The following FAM13B variants were observed in gnomAD, a reference collection of about 807,000 sequenced individuals.
The protein encoded by FAM13B is family with sequence similarity 13 member B.
Under a neutral mutation model 117.3 loss-of-function variants are expected in FAM13B, and 60 were observed. That is an observed-to-expected ratio of 0.51 (90% CI 0.42 to 0.63). FAM13B has a LOEUF of 0.63. FAM13B is among the 30% of genes least tolerant of loss of function. FAM13B has a pLI of 0.00. For synonymous variants in FAM13B, 332 were observed against 356.1 expected (o/e 0.93, Z 0.76); for missense variants, 972 against 1,091.9 (o/e 0.89, Z 1.55).
At chr5:137,945,004 A>C (rs1021014804) in intron 20 of FAM13B, among the ~76,000 whole-genome samples, 10 of 152,298 alleles carry the variant, frequency 6.6e-5, no homozygotes, top group African/African-American at 2.2e-4. Context: ...CACTATGCTC[A>C]GTACCTAGGT....
chr5:138,030,719 C>A (rs372008069), intron 1 of FAM13B, among the ~76,000 whole-genome samples: 3 of 144,780 alleles, frequency 2.1e-5, no homozygotes, highest in Non-Finnish European at 3.0e-5. Flanking sequence ...CGTCCCCCCC[C>A]CCCAAAAAAA....
chr5:137,993,433 C>T (rs1480505176), intron 7 of FAM13B, among the ~76,000 whole-genome samples: 1 of 151,940 alleles, frequency 6.6e-6, no homozygotes, highest in African/African-American at 2.4e-5. Flanking sequence ...TTGAGGCCAG[C>T]CTGGGCAACA....
intron 9 of FAM13B, among the ~76,000 whole-genome samples, chr5:137,986,449 A>G (rs7709289): frequency 0.75 from 111,099 of 147,330 alleles, 42,163 homozygotes; most frequent in East Asian, 0.97. Context: ...AAAAATTGAT[A>G]TATGAAAAAC....
At chr5:137,961,798 A>G (rs574695771) in intron 11 of FAM13B, among the ~76,000 whole-genome samples, 7 of 152,348 alleles carry the variant, frequency 4.6e-5, no homozygotes, top group South Asian at 4.1e-4. Flanking sequence ...AGACTGATGC[A>G]AAGGGTAACA....
In FAM13B at chr5:138,048,945, T is replaced by TC. The variant is rs935796043; in HGVS notation, c.-203+2932_-203+2933insG. On this transcript the variant is annotated intron_variant, in intron 1 of 3. Transcript: ENST00000502471. Reference sequence around the variant, plus strand: ...GACATTAGAGTGATACATTTCTTTTTTTTTTTTTTTTTTTTTAAGGCGAAG... The same window carrying TC: ...GACATTAGAGTGATACATTTCTTTTTCTTTTTTTTTTTTTTTTAAGGCGAAG... Among the ~76,000 whole-genome samples, 20 of 149,204 alleles carry TC rather than the reference T, an allele frequency of 1.3e-4. No individual in the cohort carries two copies. The East Asian group carries it at 3.1e-3, about 23-fold the overall frequency.
intron 10 of FAM13B, among the ~76,000 whole-genome samples, chr5:137,975,046 T>C (rs2150441526): frequency 6.6e-6 from 1 of 152,298 alleles, no homozygotes; most frequent in Middle Eastern, 3.4e-3. Flanking sequence ...AGTTAAGTAG[T>C]TGTGGCAGAG....
chr5:137,959,829 T>G, intron 12 of FAM13B, 66 bp from the exon 13 acceptor site: 1 of 1,482,014 alleles, frequency 6.7e-7, no homozygotes, highest in Non-Finnish European at 9.3e-7. Flanking sequence ...CTTAAACACA[T>G]CCAGCACATA....
chr5:137,945,912 G>A lies in FAM13B; in HGVS notation c.2330C>T (p.Thr777Ile), dbSNP rs1467812757. The A allele has an allele frequency of 1.2e-6, 2 of 1,610,850 alleles. No homozygotes were observed. The highest frequency in any genetic ancestry group is 1.3e-5 in the African/African-American group (1 of 74,824). ...GCTTATTTTACTTACAAGGACAGGAGTGATGCTAGCTCTTGTCAGCATTTG... is the reference window on the plus strand; with the variant it reads ...GCTTATTTTACTTACAAGGACAGGAATGATGCTAGCTCTTGTCAGCATTTG... ...VKQMLTRASI[T>I]PVLGSPSTKR... Residue 777 changes from threonine to isoleucine, a missense_variant, in exon 20 of 24, where the codon ACT becomes ATT. Transcript: ENST00000689681.
intron 10 of FAM13B, among the ~76,000 whole-genome samples, chr5:137,979,521 T>C (rs569489991): frequency 6.6e-6 from 1 of 152,306 alleles, no homozygotes; most frequent in Admixed American, 6.5e-5. Flanking sequence ...AAGATAGTAT[T>C]CCAGGCTCTA....
chr5:137,969,440 C>T (rs1771293725), intron 10 of FAM13B, among the ~76,000 whole-genome samples: 1 of 152,150 alleles, frequency 6.6e-6, no homozygotes, highest in African/African-American at 2.4e-5. Context: ...AAAGGACATC[C>T]ACACCAAAAA....
At chr5:138,031,758 A>T (rs1790104757) in intron 1 of FAM13B, among the ~76,000 whole-genome samples, 1 of 152,178 alleles carries the variant, frequency 6.6e-6, no homozygotes, top group Admixed American at 6.5e-5. Context: ...AATTCCATCA[A>T]CAAGCACTTA....
chr5:137,990,858 T>C (rs1383800442), intron 7 of FAM13B, among the ~76,000 whole-genome samples: 7 of 152,120 alleles, frequency 4.6e-5, no homozygotes, highest in African/African-American at 9.7e-5. Context: ...ATATAGTATA[T>C]TGACAAAGGC....
intron 10 of FAM13B, among the ~76,000 whole-genome samples, chr5:137,966,169 G>T (rs1769677221): frequency 6.6e-6 from 1 of 151,746 alleles, no homozygotes; most frequent in African/African-American, 2.4e-5. Context: ...GGGTGTGGTG[G>T]CTCATGCCTG....
rs1783877942 is a variant in FAM13B at position 138,011,051 on chromosome 5, T to A, written c.647A>T (p.Glu216Val). The change falls in exon 6 of 24, where the codon GAG (glutamate) becomes GTG (valine). Residue 216 changes from glutamate to valine, a missense_variant. Transcript: ENST00000689681. ...CAAATCATTAGATGAAAAATCTTCC[T>A]CTTCATTCTCAAAAAACTCATAGTA... ...ENYYEFFENEEEDFSSNDLSS... is the reference protein window; with the variant it reads ...ENYYEFFENEVEDFSSNDLSS... 6.2e-7 allele frequency: 1 copy of A among 1,608,648 alleles called. No homozygotes were observed. The highest frequency in any genetic ancestry group is 1.3e-5 in the African/African-American group (1 of 74,618).
chr5:137,987,692 C>T (rs1777581107), intron 8 of FAM13B, 76 bp from the exon 9 acceptor site: 4 of 1,394,088 alleles, frequency 2.9e-6, no homozygotes, highest in Admixed American at 2.3e-5. Context: ...AATGCTAAAA[C>T]CTATGACCAG....
chr5:138,022,294 T>C (rs549344445), intron 1 of FAM13B, among the ~76,000 whole-genome samples: 75 of 152,350 alleles, frequency 4.9e-4, no homozygotes, highest in African/African-American at 1.7e-3. Flanking sequence ...GTGTTTAATA[T>C]TTGGTCTCAT....
intron 11 of FAM13B, among the ~76,000 whole-genome samples, chr5:137,961,552 G>A (rs928987920): frequency 6.6e-6 from 1 of 152,190 alleles, no homozygotes; most frequent in Non-Finnish European, 1.5e-5. Context: ...AGTATGGGGA[G>A]GCTCCAGAGA....
chr5:138,023,025 C>T (rs1472071276), intron 1 of FAM13B, among the ~76,000 whole-genome samples: 1 of 151,898 alleles, frequency 6.6e-6, no homozygotes, highest in Non-Finnish European at 1.5e-5. Flanking sequence ...CTCATGTTGC[C>T]CAGGTTGGTC....
intron 1 of FAM13B, among the ~76,000 whole-genome samples, chr5:138,030,361 C>T (rs1789567166): frequency 6.6e-6 from 1 of 152,076 alleles, no homozygotes; most frequent in African/African-American, 2.4e-5. Context: ...ATCCTCCCAC[C>T]TCAGCTCCCT....
Sources: allele counts gnomAD v4.1 joint callset (sites outside exome capture counted in the v4.1 genomes callset), GRCh38; gene constraint gnomAD v4.1.1; transcripts MANE v1.5; gene names NCBI Gene and HGNC (gene_info 2026-07-23, HGNC 2026-07-21).